SORBS2: variants seen among roughly 807,000 people sequenced by gnomAD.
SORBS2 encodes sorbin and SH3 domain containing 2.
A neutral mutation model predicts 97.7 loss-of-function variants in SORBS2; 46 were observed. The observed-to-expected ratio is 0.47, with a 90% CI of 0.37 to 0.60. The LOEUF is 0.60. SORBS2 is among the 20% of genes least tolerant of loss of function. The pLI, the probability that SORBS2 is intolerant of heterozygous loss-of-function variation, is 0.00. For synonymous variants in SORBS2, 476 were observed against 473.4 expected, an observed-to-expected ratio of 1.01 and a Z score of -0.07; for missense variants, 1,316 against 1,282.3, an observed-to-expected ratio of 1.03 and a Z score of -0.40.
chr4:185,724,789 C>T (rs778058045), intron 2 of SORBS2, among the ~76,000 whole-genome samples: 2 of 152,172 alleles, frequency 1.3e-5, no homozygotes, highest in African/African-American at 2.4e-5. Context: ...TTTCCCTGAC[C>T]TTTTTATTTA....
intron 12 of SORBS2, among the ~76,000 whole-genome samples, chr4:185,609,911 T>C (rs1431018551): frequency 6.6e-6 from 1 of 152,240 alleles, no homozygotes; most frequent in Non-Finnish European, 1.5e-5. Flanking sequence ...CATCACAGCA[T>C]GGATTACCAG....
intron 1 of SORBS2, among the ~76,000 whole-genome samples, chr4:185,844,550 G>A (rs555855316): frequency 6.6e-6 from 1 of 152,204 alleles, no homozygotes; most frequent in Non-Finnish European, 1.5e-5. Context: ...GTGGAAAACA[G>A]TTTCATGATT....
chr4:185,751,968 C>T (rs1466319630), intron 2 of SORBS2, among the ~76,000 whole-genome samples: 5 of 152,110 alleles, frequency 3.3e-5, no homozygotes, highest in Non-Finnish European at 7.4e-5. Flanking sequence ...GTTGCCACAG[C>T]TGGCAGTGGG....
At chr4:185,792,856 A>G (rs1332569495) in intron 1 of SORBS2, among the ~76,000 whole-genome samples, 1 of 152,216 alleles carries the variant, frequency 6.6e-6, no homozygotes, top group Non-Finnish European at 1.5e-5. Context: ...TTGACAGTGC[A>G]GGGTTTGGAA....
intron 13 of SORBS2, 128 bp downstream of exon 25, chr4:185,593,758 G>T (rs983342220): frequency 3.5e-5 from 23 of 662,162 alleles, no homozygotes; most frequent in African/African-American, 7.4e-5. Flanking sequence ...ACAATTTCTC[G>T]TAATTTAAGA....
In SORBS2 at chr4:185,684,636, A is replaced by G. The variant is rs189544016; in HGVS notation, c.-197-5814T>C. On this transcript the variant is annotated intron_variant, in intron 2 of 20. Coordinates refer to the SORBS2 transcript ENST00000284776. The surrounding 1 kb of genome is among the most constrained non-coding windows in gnomAD (Gnocchi z 4.2). ...AAGTGACTGCTGTTTTTAATTACAC[A>G]TTTAAAATGTTTCCTACAAGATCTC... The G allele has an allele frequency of 2.2e-4, 163 of 742,774 alleles. No homozygotes were observed. In the African/African-American group the frequency reaches 2.4e-3, roughly 11 times the overall value. The allele number at this position is 742,774 out of a possible 1,614,324, so 46.0% of individuals were successfully genotyped here. A position where few individuals can be genotyped will look rare whatever the true frequency, so the allele number is the denominator to read the frequency against.
At chr4:185,734,237 A>C (rs1477301242) in intron 2 of SORBS2, 83 bp from the exon 3 acceptor site, 1 of 152,522 alleles carries the variant, frequency 6.6e-6, no homozygotes, top group Non-Finnish European at 1.5e-5. Flanking sequence ...GCGAGATCAA[A>C]CTGAGGACAA....
At chr4:185,751,815 T>C (rs2098802084) in intron 2 of SORBS2, among the ~76,000 whole-genome samples, 2 of 152,154 alleles carry the variant, frequency 1.3e-5, no homozygotes, top group African/African-American at 4.8e-5. Flanking sequence ...GAGGGGTTTT[T>C]GCTAGAGAGT....
At chr4:185,760,867 G>A (rs1323677838) in intron 2 of SORBS2, among the ~76,000 whole-genome samples, 1 of 152,230 alleles carries the variant, frequency 6.6e-6, no homozygotes, top group Non-Finnish European at 1.5e-5. Flanking sequence ...GCAGAAGAAA[G>A]CAGTGTCACC....
intron 1 of SORBS2, among the ~76,000 whole-genome samples, chr4:185,943,512 G>GA (rs1316273611): frequency 2.0e-5 from 3 of 152,134 alleles, no homozygotes; most frequent in Non-Finnish European, 4.4e-5. Flanking sequence ...GAACCAAAGG[G>GA]AACATCATTA....
chr4:185,627,481 G>C (rs1439657052), intron 5 of SORBS2, among the ~76,000 whole-genome samples: 1 of 152,218 alleles, frequency 6.6e-6, no homozygotes, highest in Non-Finnish European at 1.5e-5. Flanking sequence ...GTCTCCTGAA[G>C]TGTTGGGATT....
At chr4:185,806,753 C>T (rs1182229197) in intron 1 of SORBS2, among the ~76,000 whole-genome samples, 2 of 152,148 alleles carry the variant, frequency 1.3e-5, no homozygotes, top group African/African-American at 4.8e-5. Context: ...CCACCGCGCC[C>T]GGCCTAGAAT....
At chr4:185,897,415 T>C (rs1454755395) in intron 1 of SORBS2, among the ~76,000 whole-genome samples, 1 of 152,188 alleles carries the variant, frequency 6.6e-6, no homozygotes, top group Admixed American at 6.5e-5. Flanking sequence ...CACCCTTTCG[T>C]CCAATCCTAT....
chr4:185,903,019 AC>A (rs1340624422), intron 1 of SORBS2, among the ~76,000 whole-genome samples: 3 of 152,230 alleles, frequency 2.0e-5, no homozygotes, highest in Admixed American at 2.0e-4. Flanking sequence ...AACTAAAAGC[AC>A]TGATTCCATG....
At chr4:185,764,426 C>G (rs1458029482) in intron 2 of SORBS2, among the ~76,000 whole-genome samples, 1 of 152,104 alleles carries the variant, frequency 6.6e-6, no homozygotes, top group Admixed American at 6.5e-5. Context: ...CAAAAAGATA[C>G]ACACTACAAA....
intron 1 of SORBS2, among the ~76,000 whole-genome samples, chr4:185,890,177 G>T (rs918574681): frequency 6.6e-6 from 1 of 152,130 alleles, no homozygotes; most frequent in Admixed American, 6.5e-5. Flanking sequence ...GTGAGCCACC[G>T]CACCTGGACC....
intron 1 of SORBS2, among the ~76,000 whole-genome samples, chr4:185,787,381 A>G (rs1272367252): frequency 6.6e-6 from 1 of 152,238 alleles, no homozygotes; most frequent in Non-Finnish European, 1.5e-5. Flanking sequence ...CAGATTAAGT[A>G]AAAAGTACGT....
intron 1 of SORBS2, among the ~76,000 whole-genome samples, chr4:185,780,245 C>T (rs2099021665): frequency 6.6e-6 from 1 of 152,118 alleles, no homozygotes; most frequent in Non-Finnish European, 1.5e-5. Context: ...AAGCTCCTGA[C>T]CTCAGGTGAT....
rs143042263 is a variant in SORBS2 at position 185,745,309 on chromosome 4, C to T, written c.-198+29918G>A. Among the ~76,000 whole-genome samples the T allele has an allele frequency of 5.0e-3, 754 of 152,302 alleles. 1 individual carries two copies. The highest frequency in any genetic ancestry group is 0.014 in the Middle Eastern group (4 of 294). On this transcript the variant is annotated intron_variant, in intron 2 of 20. Coordinates refer to the SORBS2 transcript ENST00000284776. The stretch of plus-strand genomic sequence containing the variant: ...AACCTGAACATGGCCAGTAAGAACA[C>T]AAACTAGACCTCCCAGATTCTCCCG...
Sources: gnomAD v4.1 joint callset for allele counts (sites outside exome capture counted in the v4.1 genomes callset) on GRCh38, gnomAD v4.1.1 for gene constraint, Gnocchi (gnomAD v3.1) non-coding constraint, MANE v1.5 for transcripts, NCBI Gene and HGNC (gene_info 2026-07-23, HGNC 2026-07-21) for gene names.